FCRL4: variants seen among roughly 807,000 people sequenced by gnomAD.
FCRL4 encodes the protein Fc receptor-like protein 4.
A neutral mutation model predicts 64.1 loss-of-function variants in FCRL4; 43 were observed. That is an observed-to-expected ratio of 0.67 (90% CI 0.53 to 0.87). The LOEUF is 0.87. FCRL4 is among the 40% of genes least tolerant of loss of function. FCRL4 has a pLI of 0.00. For missense variants in FCRL4, 656 were observed against 613.5 expected (o/e 1.07, Z -0.73); for synonymous variants, 253 against 239.8 (o/e 1.05, Z -0.51).
Position 157,581,629 on chromosome 1 carries a change from C to T in FCRL4, c.1151G>A (p.Arg384Lys). 1 of 1,613,716 alleles carries T rather than the reference C, an allele frequency of 6.2e-7. No homozygotes were observed. Among genetic ancestry groups the T allele is most frequent in the Non-Finnish European group, 8.5e-7 (1 of 1,179,740 alleles). Reference protein sequence around the residue: ...NVTVRETPGNRDGLVAAGATG... With the variant: ...NVTVRETPGNKDGLVAAGATG... Reference sequence around the variant, plus strand: ...GGCTCCCGCGGCGACAAGGCCATCTCTGTTGCCTGGGGTCTCTAAGGGGAA... The same window carrying T: ...GGCTCCCGCGGCGACAAGGCCATCTTTGTTGCCTGGGGTCTCTAAGGGGAA... The change falls in exon 7 of 12, where the codon AGA (arginine) becomes AAA (lysine). Residue 384 changes from arginine (R) to lysine (K), a missense_variant. Arg to Lys is a conservative substitution (Grantham distance 26). Coordinates refer to ENST00000271532, the MANE Select transcript of FCRL4 (RefSeq NM_031282.3).
chr1:157,585,348 T>TCTCTC (rs1558155010), intron 6 of FCRL4, among the ~76,000 whole-genome samples: 3 of 60,934 alleles, frequency 4.9e-5, no homozygotes, highest in Non-Finnish European at 9.1e-5. Context: ...CTCTCTCTCT[T>TCTCTC]TCTTTCTTTC....
In FCRL4 at chr1:157,586,377, A is replaced by G; in HGVS notation, c.926T>C (p.Val309Ala). The change falls in exon 6 of 12, where the codon GTC becomes GCC. Residue 309 changes from valine (V) to alanine (A), a missense_variant. Val to Ala is a moderately conservative substitution (Grantham distance 64). Coordinates refer to ENST00000271532, the MANE Select transcript of FCRL4 (RefSeq NM_031282.3). The part of the protein sequence containing the change: ...QAVEGEMLVL[V>A]CSVAEGTGDT... ...CCCTGTGCCTTCAGCCACGGAGCAGACAAGGACCAGCATCTCCCCTTCAAC... is the reference window on the plus strand; with the variant it reads ...CCCTGTGCCTTCAGCCACGGAGCAGGCAAGGACCAGCATCTCCCCTTCAAC... 6.2e-7 allele frequency: 1 copy of G among 1,613,432 alleles called. No individual in the cohort carries two copies. Among genetic ancestry groups the G allele is most frequent in the Admixed American group, 1.7e-5 (1 of 60,008 alleles).
chr1:157,597,108 G>T (rs185806028), intron 1 of FCRL4, among the ~76,000 whole-genome samples: 6 of 152,202 alleles, frequency 3.9e-5, no homozygotes, highest in Admixed American at 3.3e-4. Context: ...GTACGTTGAG[G>T]TTCTATTGAG....
chr1:157,584,774 C>T (rs1652636330), intron 6 of FCRL4, among the ~76,000 whole-genome samples: 1 of 152,118 alleles, frequency 6.6e-6, no homozygotes, highest in Non-Finnish European at 1.5e-5. Context: ...TTGCTGGAGC[C>T]TCTGACTAAA....
At chr1:157,590,881 C>T in intron 2 of FCRL4, among the ~76,000 whole-genome samples, 1 of 152,218 alleles carries the variant, frequency 6.6e-6, no homozygotes, top group African/African-American at 2.4e-5. Context: ...ATCAAGAGAA[C>T]CTTTTTCCTT....
In FCRL4 at chr1:157,588,053, C is replaced by T; in HGVS notation, c.374G>A (p.Arg125Lys). 6.2e-7 allele frequency: 1 copy of T among 1,613,704 alleles called. No homozygotes were observed. The change falls in exon 4 of 12, where the codon AGA becomes AAA. Residue 125 changes from arginine (R) to lysine (K), a missense_variant. Arg to Lys is a conservative substitution (Grantham distance 26, BLOSUM62 2). Transcript: ENST00000271532. ...AGCAGTCAATTTCTCTTTCCTTCTTCTGTGGCATCTCAGAACCAATGTGTC... is the reference window on the plus strand; with the variant it reads ...AGCAGTCAATTTCTCTTTCCTTCTTTTGTGGCATCTCAGAACCAATGTGTC... ...EGDTLVLRCH[R>K]RRKEKLTAVK... is the part of the protein sequence containing the mutation.
intron 2 of FCRL4, among the ~76,000 whole-genome samples, chr1:157,592,509 A>G (rs1652861256): frequency 6.6e-6 from 1 of 152,248 alleles, no homozygotes; most frequent in Admixed American, 6.5e-5. Flanking sequence ...TGGCCATCAG[A>G]GAAATGCAAA....
rs1238327469 is a variant in FCRL4 at position 157,575,242 on chromosome 1, C to A, written c.*282G>T. 4.5e-6 allele frequency: 2 copies of A among 441,764 alleles called. No homozygotes were observed. The highest frequency in any genetic ancestry group is 8.3e-6 in the Non-Finnish European group (2 of 242,276). The allele number at this position is 441,764 out of a possible 1,614,324, so 27.4% of individuals were successfully genotyped here. On this transcript the variant is annotated 3_prime_UTR_variant, in exon 12 of 12. Coordinates refer to ENST00000271532, the MANE Select transcript of FCRL4 (RefSeq NM_031282.3). ...CTCTCTTTATCCCCCTTCTCTAAAG[C>A]AGACCCTAGGGAATACATTAGGTCA...
rs780878305 is a variant in FCRL4, at chr1:157,597,971, GA to G, written c.-28del. 3.4e-5 allele frequency: 54 copies of G among 1,605,142 alleles called. No individual in the cohort carries two copies. The highest frequency in any genetic ancestry group is 3.3e-5 in the Non-Finnish European group (39 of 1,173,074). On this transcript the variant is annotated 5_prime_UTR_variant, in exon 1 of 12. Coordinates refer to ENST00000271532, the MANE Select transcript of FCRL4 (RefSeq NM_031282.3). ...GAAGCCTGCTCCAGGATTGGAGAAG[GA>G]GTTCTGAGGAGACAAGCCAGGTCAG...
intron 7 of FCRL4, 66 bp from the exon 8 acceptor site, chr1:157,580,414 A>G (rs371823503): frequency 2.3e-4 from 361 of 1,537,138 alleles, no homozygotes; most frequent in Non-Finnish European, 3.1e-4. Flanking sequence ...ACTTCATGTA[A>G]CAGGAGCTAT....
intron 6 of FCRL4, among the ~76,000 whole-genome samples, chr1:157,582,975 C>T (rs1347802602): frequency 6.6e-6 from 1 of 152,230 alleles, no homozygotes; most frequent in Admixed American, 6.5e-5. Context: ...AAGCAAGTTA[C>T]TCTACCTTCC....
intron 1 of FCRL4, among the ~76,000 whole-genome samples, chr1:157,596,569 C>T (rs993519030): frequency 9.2e-5 from 14 of 152,160 alleles, no homozygotes; most frequent in African/African-American, 3.1e-4. Context: ...GGGCAAACCA[C>T]ATGAACTTTC....
Position 157,589,449 on chromosome 1 carries a change from T to C in FCRL4, c.62A>G (p.His21Arg). ...AGGATGGACGGAAATCACAGGTTTG[T>C]GTGCAGCTGCTGAGGAGGAAAGAGT... ...APVCGQSAAA[H>R]KPVISVHPPW... The change falls in exon 3 of 12, where the codon CAC (histidine) becomes CGC (arginine). Residue 21 changes from histidine (H) to arginine (R), a missense_variant. His to Arg is a conservative substitution (Grantham distance 29, BLOSUM62 0). Coordinates refer to ENST00000271532, the MANE Select transcript of FCRL4 (RefSeq NM_031282.3). The C allele has an allele frequency of 1.9e-6, 3 of 1,613,934 alleles. No individual in the cohort carries two copies. Among genetic ancestry groups the C allele is most frequent in the Non-Finnish European group, 2.5e-6 (3 of 1,179,804 alleles).
At chr1:157,581,898 C>T (rs1652570057) in intron 6 of FCRL4, among the ~76,000 whole-genome samples, 1 of 152,172 alleles carries the variant, frequency 6.6e-6, no homozygotes, top group Non-Finnish European at 1.5e-5. Context: ...AGGGGAAATC[C>T]TAATGTTGTA....
Position 157,575,311 on chromosome 1 carries a change from C to T in FCRL4, c.*213G>A, listed in dbSNP as rs1652375706. The T allele has an allele frequency of 1.7e-6, 1 of 576,026 alleles. No homozygotes were observed. Among genetic ancestry groups the T allele is most frequent in the African/African-American group, 1.9e-5 (1 of 53,566 alleles). The allele number at this position is 576,026 out of a possible 1,614,324, so 35.7% of individuals were successfully genotyped here. A position where few individuals can be genotyped will look rare whatever the true frequency, so the allele number is the denominator to read the frequency against. Reference sequence around the variant, plus strand: ...CAGGGTCTTCTCTTAACTGTGGATCCTGGTCATTTTAGTGAAGTCTTTCAG... The same window carrying T: ...CAGGGTCTTCTCTTAACTGTGGATCTTGGTCATTTTAGTGAAGTCTTTCAG... On this transcript the variant is annotated 3_prime_UTR_variant, in exon 12 of 12. Transcript: ENST00000271532.
chr1:157,575,780 G>T (rs1227473864), intron 10 of FCRL4, 50 bp from the exon 11 acceptor site: 1 of 1,585,446 alleles, frequency 6.3e-7, no homozygotes, highest in Admixed American at 1.7e-5. Flanking sequence ...GATGCACTTA[G>T]AACTCAGTCT....
intron 10 of FCRL4, among the ~76,000 whole-genome samples, chr1:157,577,696 G>A (rs183917882): frequency 2.5e-4 from 38 of 152,286 alleles, no homozygotes; most frequent in African/African-American, 8.4e-4. Context: ...AAAACAGATC[G>A]AAAGCTCCAG....
At position 157,580,485 on chromosome 1, in the gene FCRL4, A is replaced by G. The variant is rs183935024; in HGVS notation, c.1250-137T>C. 3 of 869,810 alleles carry G rather than the reference A, an allele frequency of 3.4e-6. No individual in the cohort carries two copies. In the Admixed American group the frequency reaches 6.5e-5, roughly 19 times the overall value. The allele number at this position is 869,810 out of a possible 1,614,324, so 53.9% of individuals were successfully genotyped here. The stretch of plus-strand genomic sequence containing the variant: ...CTGCCCAGTCCTGGGTTTTCATGAA[A>G]ATGAGGTGAAAAAAAGATTGTACAA... On this transcript the variant is annotated intron_variant, in intron 7 of 11. Transcript: ENST00000271532.
intron 6 of FCRL4, among the ~76,000 whole-genome samples, chr1:157,585,564 A>T (rs1652672811): frequency 6.6e-6 from 1 of 152,014 alleles, no homozygotes; most frequent in Non-Finnish European, 1.5e-5. Context: ...GGAGGAAGAG[A>T]TGTATATGAG....
Sources: allele counts gnomAD v4.1 joint callset (sites outside exome capture counted in the v4.1 genomes callset), GRCh38; gene constraint gnomAD v4.1.1; transcripts MANE v1.5; gene names NCBI Gene and HGNC (gene_info 2026-07-23, HGNC 2026-07-21).